Variants in DLGAP1 observed in about 807,000 individuals in gnomAD.
DLGAP1 encodes the protein disks large-associated protein 1.
Under a neutral mutation model 90.8 loss-of-function variants are expected in DLGAP1, and 11 were observed. The ratio of observed to expected loss-of-function variants is 0.12; its 90% confidence interval spans 0.08 to 0.20. The LOEUF (loss-of-function observed/expected upper bound fraction) is 0.20, where lower values mean the gene tolerates loss of function less well. Ranked by LOEUF, DLGAP1 falls within the 10% of genes least tolerant of loss-of-function variation. The pLI, the probability that DLGAP1 is intolerant of heterozygous loss-of-function variation, is 1.00. For synonymous variants in DLGAP1, 558 were observed against 540.7 expected (o/e 1.03, Z -0.44); for missense variants, 1,050 against 1,333.8 (o/e 0.79, Z 3.31).
At chr18:4,369,567 A>G (rs2081865921) in intron 1 of DLGAP1, among the ~76,000 whole-genome samples, 2 of 151,958 alleles carry the variant, frequency 1.3e-5, no homozygotes, top group Admixed American at 6.6e-5. Context: ...AAATTAAAAT[A>G]CCTACTGAAT....
At chr18:3,945,081 T>A (rs1343492432) in intron 3 of DLGAP1, among the ~76,000 whole-genome samples, 1 of 152,232 alleles carries the variant, frequency 6.6e-6, no homozygotes, top group East Asian at 1.9e-4. Context: ...TGGGGCCAGA[T>A]AAGCTGGGTC....
chr18:4,172,201 A>T (rs1486803919), intron 1 of DLGAP1, among the ~76,000 whole-genome samples: 1 of 152,234 alleles, frequency 6.6e-6, no homozygotes, highest in Non-Finnish European at 1.5e-5. Context: ...CTGTAAAAGT[A>T]CAGCAGAAAA....
chr18:4,208,342 G>C (rs1355583486), intron 1 of DLGAP1, among the ~76,000 whole-genome samples: 2 of 152,146 alleles, frequency 1.3e-5, no homozygotes, highest in Non-Finnish European at 2.9e-5. Flanking sequence ...CAATATACTT[G>C]AAATACCATA....
At chr18:4,328,837 C>T (rs559288) in intron 1 of DLGAP1, among the ~76,000 whole-genome samples, 49,005 of 151,604 alleles carry the variant, frequency 0.32, 8,297 homozygotes, top group African/African-American at 0.43. Flanking sequence ...CATTCATTTA[C>T]CTTCTCTTGT....
intron 11 of DLGAP1, among the ~76,000 whole-genome samples, chr18:3,506,494 C>CA (rs1473297061): frequency 9.9e-6 from 1 of 100,686 alleles, no homozygotes; most frequent in Non-Finnish European, 1.8e-5. Context: ...GCCTGGGCAA[C>CA]AAGAGTGAGA....
At chr18:3,998,925 G>A (rs2074124521) in intron 3 of DLGAP1, among the ~76,000 whole-genome samples, 1 of 152,086 alleles carries the variant, frequency 6.6e-6, no homozygotes, top group Non-Finnish European at 1.5e-5. Context: ...CTTTGGTGCT[G>A]TTCTGCCACC....
At chr18:3,612,021 AATGAACAAATAATTCCCTTTGCTTTTC>A (rs1366270209) in intron 7 of DLGAP1, among the ~76,000 whole-genome samples, 1 of 152,252 alleles carries the variant, frequency 6.6e-6, no homozygotes, top group Non-Finnish European at 1.5e-5. Flanking sequence ...AGCGCTATCA[AATGAACAAATAATTCCCTTTGCTTTTC>A]ATGCCTGAAA....
chr18:4,176,230 C>T (rs1405866946), intron 1 of DLGAP1, among the ~76,000 whole-genome samples: 1 of 152,134 alleles, frequency 6.6e-6, no homozygotes. Flanking sequence ...CAGAAGTTTA[C>T]CCTTTTCTCA....
At chr18:3,807,879 T>C (rs1340075377) in intron 5 of DLGAP1, among the ~76,000 whole-genome samples, 5 of 152,198 alleles carry the variant, frequency 3.3e-5, no homozygotes, top group Non-Finnish European at 7.3e-5. Flanking sequence ...GTCATGATCA[T>C]TGTAGAGACT....
chr18:3,592,861 A>AG (rs2056336557), intron 7 of DLGAP1, among the ~76,000 whole-genome samples: 1 of 128,290 alleles, frequency 7.8e-6, no homozygotes, highest in Non-Finnish European at 1.6e-5. Context: ...AAAAAAAAAA[A>AG]AAAAAAGAAA....
At chr18:3,756,045 A>G (rs2063704895) in intron 5 of DLGAP1, among the ~76,000 whole-genome samples, 1 of 152,032 alleles carries the variant, frequency 6.6e-6, no homozygotes, top group Non-Finnish European at 1.5e-5. Context: ...TAGAAATTAC[A>G]CTAAACATTA....
chr18:4,335,088 C>T lies in DLGAP1; in HGVS notation c.-267+119918G>A, dbSNP rs9959669. On this transcript the variant is annotated intron_variant, in intron 1 of 12. Transcript: ENST00000315677. ...TCTTTAAGAATTATAGGCCAAATGG[C>T]TGCAGAAAGACACAATAAGGCAGCG... Among the ~76,000 whole-genome samples the T allele has an allele frequency of 8.6e-4, 130 of 152,004 alleles. 3 individuals are homozygous for T. Among genetic ancestry groups the T allele is most frequent in the African/African-American group, 3.0e-3 (123 of 41,294 alleles).
At chr18:3,969,620 G>C (rs17574146) in intron 3 of DLGAP1, among the ~76,000 whole-genome samples, 17,601 of 152,160 alleles carry the variant, frequency 0.12, 1,308 homozygotes, top group Non-Finnish European at 0.18. Context: ...GCAGTTTCAC[G>C]ATTTCGGTCT....
chr18:4,117,177 G>A (rs1247634855), intron 2 of DLGAP1, among the ~76,000 whole-genome samples: 1 of 152,150 alleles, frequency 6.6e-6, no homozygotes, highest in Admixed American at 6.5e-5. Flanking sequence ...TAAGGAGAGA[G>A]GGCTCAAAAG....
intron 7 of DLGAP1, among the ~76,000 whole-genome samples, chr18:3,600,125 G>A (rs2056814682): frequency 6.6e-6 from 1 of 152,150 alleles, no homozygotes; most frequent in Non-Finnish European, 1.5e-5. Context: ...GTCTCACTAT[G>A]TTGCCCAGGG....
intron 1 of DLGAP1, among the ~76,000 whole-genome samples, chr18:4,256,890 C>T (rs1174424954): frequency 6.6e-6 from 1 of 152,066 alleles, no homozygotes; most frequent in African/African-American, 2.4e-5. Flanking sequence ...GCGAAGACAG[C>T]TGGAAAGGAG....
At chr18:4,390,530 C>A (rs2082320519) in intron 1 of DLGAP1, among the ~76,000 whole-genome samples, 1 of 152,202 alleles carries the variant, frequency 6.6e-6, no homozygotes, top group African/African-American at 2.4e-5. Flanking sequence ...ATTCATCCTT[C>A]CATTCCTCCT....
chr18:3,833,180 TCC>T, intron 4 of DLGAP1, among the ~76,000 whole-genome samples: 2 of 30,120 alleles, frequency 6.6e-5, no homozygotes, highest in Non-Finnish European at 1.5e-4. Flanking sequence ...CTTCCTTCCT[TCC>T]TTCCTTCCTT....
chr18:4,094,805 C>T (rs2075650107), intron 2 of DLGAP1, among the ~76,000 whole-genome samples: 1 of 151,962 alleles, frequency 6.6e-6, no homozygotes, highest in African/African-American at 2.4e-5. Flanking sequence ...ATCATGTTGG[C>T]CAGGCTGGTC....
Sources: allele counts gnomAD v4.1 joint callset (sites outside exome capture counted in the v4.1 genomes callset), GRCh38; gene constraint gnomAD v4.1.1; transcripts MANE v1.5; gene names NCBI Gene and HGNC (gene_info 2026-07-23, HGNC 2026-07-21).